ANXA2: variants seen among roughly 807,000 people sequenced by gnomAD.
ANXA2 encodes the protein annexin A2.
A neutral mutation model predicts 47.3 loss-of-function variants in ANXA2; 28 were observed. The observed-to-expected ratio is 0.59, with a 90% CI of 0.44 to 0.81. ANXA2 has a LOEUF of 0.81. Ranked by LOEUF, ANXA2 falls within the 40% of genes least tolerant of loss-of-function variation. The pLI, the probability that ANXA2 is intolerant of heterozygous loss-of-function variation, is 0.00. For missense variants in ANXA2, 384 were observed against 414.3 expected (o/e 0.93, Z 0.64); for synonymous variants, 172 against 155.5 (o/e 1.11, Z -0.79).
chr15:60,350,302 A>G (rs146989010), intron 11 of ANXA2, among the ~76,000 whole-genome samples: 76 of 152,284 alleles, frequency 5.0e-4, no homozygotes, highest in African/African-American at 1.8e-3. Flanking sequence ...TTCAATAAAT[A>G]TATACTGAGC....
intron 4 of ANXA2, 30 bp from the exon 5 acceptor site, chr15:60,361,084 A>T (rs1355965126): frequency 4.1e-6 from 6 of 1,457,128 alleles, no homozygotes; most frequent in Non-Finnish European, 5.8e-6. Flanking sequence ...CATAAGGAAA[A>T]TATTTATTTT....
intron 5 of ANXA2, among the ~76,000 whole-genome samples, chr15:60,358,490 A>G (rs1343157355): frequency 6.6e-6 from 1 of 152,258 alleles, no homozygotes; most frequent in East Asian, 1.9e-4. Flanking sequence ...CCCACATGAA[A>G]AGCGTGTCAG....
At chr15:60,388,710 C>G (rs1184702202) in intron 1 of ANXA2, among the ~76,000 whole-genome samples, 3 of 147,264 alleles carry the variant, frequency 2.0e-5, no homozygotes, top group Admixed American at 6.8e-5. Flanking sequence ...ACTGAGATTA[C>G]AGGGGTTAGC....
chr15:60,349,697 G>A (rs987771222), intron 11 of ANXA2, among the ~76,000 whole-genome samples: 1 of 141,406 alleles, frequency 7.1e-6, no homozygotes, highest in African/African-American at 2.6e-5. Context: ...AAACCTATAA[G>A]AAAGGAAAGA....
chr15:60,351,687 C>T (rs1269256114), intron 10 of ANXA2, 37 bp downstream of exon 10: 1 of 1,339,188 alleles, frequency 7.5e-7, no homozygotes, highest in Admixed American at 1.7e-5. Context: ...GCTCTGGTAG[C>T]TGATGTCTAC....
intron 4 of ANXA2, chr15:60,362,603 G>C: frequency 6.6e-6 from 1 of 152,148 alleles, no homozygotes. Flanking sequence ...GAACTCTGCA[G>C]CACAAATCTT....
intron 5 of ANXA2, 135 bp from the exon 6 acceptor site, chr15:60,357,371 A>G: frequency 3.4e-6 from 2 of 595,630 alleles, no homozygotes; most frequent in East Asian, 5.7e-5. Context: ...CCTTCTGAAG[A>G]ATCTATACTC....
At chr15:60,371,305 G>C in intron 3 of ANXA2, among the ~76,000 whole-genome samples, 1 of 152,216 alleles carries the variant, frequency 6.6e-6, no homozygotes, top group South Asian at 2.1e-4. Context: ...AGGTGTTGCT[G>C]ACAGCAAGGT....
intron 3 of ANXA2, among the ~76,000 whole-genome samples, chr15:60,370,684 G>C (rs1230698369): frequency 1.3e-5 from 2 of 152,160 alleles, no homozygotes; most frequent in African/African-American, 2.4e-5. Context: ...CCAGTGCCAG[G>C]ACACCAGAAA....
chr15:60,397,769 G>A (rs2063101386), intron 1 of ANXA2, 174 bp downstream of exon 1: 2 of 1,059,840 alleles, frequency 1.9e-6, no homozygotes, highest in South Asian at 2.9e-5. Flanking sequence ...CCTTGTCCCT[G>A]AGCCCCCTCC....
chr15:60,370,216 C>CAA (rs886999862), intron 3 of ANXA2, among the ~76,000 whole-genome samples: 6 of 152,218 alleles, frequency 3.9e-5, no homozygotes, highest in African/African-American at 1.4e-4. Flanking sequence ...ATGCATTGCA[C>CAA]AAGTGCTAAT....
intron 1 of ANXA2, chr15:60,396,280 CA>C (rs753211121): frequency 6.6e-6 from 1 of 152,114 alleles, no homozygotes; most frequent in Non-Finnish European, 1.5e-5. Flanking sequence ...GACCACCAAC[CA>C]TTCCTAACTT....
At chr15:60,349,243 G>A (rs1341779936) in intron 11 of ANXA2, 46 bp from the exon 12 acceptor site, 15 of 1,604,814 alleles carry the variant, frequency 9.3e-6, no homozygotes, top group South Asian at 3.3e-5. Context: ...GAATGTTATC[G>A]TTAAAGAAAG....
intron 8 of ANXA2, 47 bp downstream of exon 8, chr15:60,354,107 A>G (rs1401268985): frequency 1.2e-5 from 18 of 1,530,010 alleles, no homozygotes; most frequent in Non-Finnish European, 1.6e-5. Flanking sequence ...GACTATCCAG[A>G]GACTTACCAG....
intron 8 of ANXA2, among the ~76,000 whole-genome samples, chr15:60,353,562 AT>A (rs2140785195): frequency 6.6e-6 from 1 of 152,350 alleles, no homozygotes; most frequent in African/African-American, 2.4e-5. Context: ...TCTAATAAAC[AT>A]TGCTGTCAGA....
At chr15:60,396,811 G>C (rs771666226) in intron 1 of ANXA2, among the ~76,000 whole-genome samples, 1 of 152,146 alleles carries the variant, frequency 6.6e-6, no homozygotes, top group Non-Finnish European at 1.5e-5. Flanking sequence ...ACAACTTAAG[G>C]TTCTTGGTAA....
chr15:60,389,955 G>T (rs2062985338), intron 1 of ANXA2, among the ~76,000 whole-genome samples: 1 of 152,036 alleles, frequency 6.6e-6, no homozygotes, highest in Non-Finnish European at 1.5e-5. Flanking sequence ...TGTTTTAAGT[G>T]CCCTACACGT....
chr15:60,389,737 C>G (rs943304927), intron 1 of ANXA2, among the ~76,000 whole-genome samples: 1 of 152,188 alleles, frequency 6.6e-6, no homozygotes, highest in African/African-American at 2.4e-5. Context: ...AGATGAGCAT[C>G]AGAATCCTGT....
At chr15:60,394,066 T>C (rs2063049712) in intron 1 of ANXA2, among the ~76,000 whole-genome samples, 1 of 152,164 alleles carries the variant, frequency 6.6e-6, no homozygotes, top group Non-Finnish European at 1.5e-5. Context: ...GCAGGTCGCT[T>C]CAGGGCAGCC....
Sources: gnomAD v4.1 joint callset for allele counts (sites outside exome capture counted in the v4.1 genomes callset) on GRCh38, gnomAD v4.1.1 for gene constraint, MANE v1.5 for transcripts, NCBI Gene and HGNC (gene_info 2026-07-23, HGNC 2026-07-21) for gene names.